Variants in THEM4 observed in about 807,000 individuals in gnomAD.
THEM4 encodes acyl-coenzyme A thioesterase THEM4.
THEM4 carries 22 observed loss-of-function variants against 25.0 expected under a neutral mutation model. The observed-to-expected ratio is 0.88, with a 90% confidence interval of 0.63 to 1.26. THEM4 has a LOEUF of 1.26. THEM4 is among the 50% of genes most tolerant of loss of function. THEM4 has a pLI of 0.00. For synonymous variants in THEM4, 113 were observed against 105.6 expected (o/e 1.07, Z -0.43); for missense variants, 286 against 300.3 (o/e 0.95, Z 0.35).
chr1:151,873,237 G>T lies in THEM4; in HGVS notation c.*1651C>A, dbSNP rs2171917. Among the ~76,000 whole-genome samples the T allele has an allele frequency of 0.89, 135,270 of 152,174 alleles. 60,301 individuals are homozygous for T. Among genetic ancestry groups the T allele is most frequent in the South Asian group, 0.92 (4,432 of 4,818 alleles). ...TGTAACACAGATTCCTTTGCTCACA[G>T]ATTTTCCTGCTGACCTTCTCCCCAC... On this transcript the variant is annotated 3_prime_UTR_variant, in exon 6 of 6. Transcript: ENST00000368814.
chr1:151,892,211 C>G (rs1654109752), intron 2 of THEM4, among the ~76,000 whole-genome samples: 1 of 151,984 alleles, frequency 6.6e-6, no homozygotes, highest in African/African-American at 2.4e-5. Flanking sequence ...AAGAAATGAG[C>G]AAAATGTAGG....
At chr1:151,908,561 G>A (rs929323362) in intron 1 of THEM4, among the ~76,000 whole-genome samples, 3 of 152,202 alleles carry the variant, frequency 2.0e-5, no homozygotes, top group African/African-American at 7.2e-5. Context: ...TGGCCGCTTG[G>A]TGGAGCTAAA....
intron 4 of THEM4, 49 bp from the exon 5 acceptor site, chr1:151,877,174 T>C (rs750229160): frequency 1.0e-5 from 16 of 1,553,296 alleles, no homozygotes; most frequent in South Asian, 3.7e-5. Flanking sequence ...ATCTGACTTA[T>C]ATAACATTAA....
At chr1:151,882,038 TTTC>T (rs923806116) in intron 4 of THEM4, among the ~76,000 whole-genome samples, 2 of 152,166 alleles carry the variant, frequency 1.3e-5, no homozygotes, top group African/African-American at 4.8e-5. Flanking sequence ...TAATTTTTTT[TTTC>T]TCTCTCTCTC....
intron 2 of THEM4, chr1:151,890,193 C>G (rs1160354016): frequency 2.2e-6 from 1 of 457,560 alleles, no homozygotes; most frequent in Non-Finnish European, 4.4e-6. Context: ...GCGTGAGCCA[C>G]AGCGCCCGGC....
chr1:151,893,755 G>T (rs959491036), intron 2 of THEM4, among the ~76,000 whole-genome samples: 1 of 152,034 alleles, frequency 6.6e-6, no homozygotes, highest in African/African-American at 2.4e-5. Flanking sequence ...GGCATAAGAA[G>T]AAAGAAAAAG....
intron 3 of THEM4, among the ~76,000 whole-genome samples, chr1:151,888,917 AC>A (rs1166781710): frequency 6.6e-6 from 1 of 152,052 alleles, no homozygotes; most frequent in Non-Finnish European, 1.5e-5. Context: ...GACCCATAAT[AC>A]TACCCACCTA....
chr1:151,885,016 GT>G (rs755566016), intron 4 of THEM4, among the ~76,000 whole-genome samples: 11 of 151,164 alleles, frequency 7.3e-5, no homozygotes, highest in South Asian at 4.2e-4. Flanking sequence ...GTTTTATTAG[GT>G]TCTGTGGCAA....
rs868247782 is a variant in THEM4 at position 151,871,340 on chromosome 1, A to G, written c.*3548T>C. Among the ~76,000 whole-genome samples, 1,179 of 151,698 alleles carry G rather than the reference A, an allele frequency of 7.8e-3. 22 individuals carry two copies. The highest frequency in any genetic ancestry group is 0.028 in the African/African-American group (1,138 of 41,326). On this transcript the variant is annotated 3_prime_UTR_variant, in exon 6 of 6. Transcript: ENST00000368814. ...ACCCTGTCTTGAAAAAAAAAAAAAA[A>G]AAAGAAAAAGAAAAAAGAAAGGAAA...
rs1337451706 is a variant in THEM4, at chr1:151,873,463, C to A, written c.*1425G>T. ...GTCTCTCATCCCACCTGATGAGAAA[C>A]ACCCACAGGTGTGGAGGGGCTGGCC... On this transcript the variant is annotated 3_prime_UTR_variant, in exon 6 of 6. Transcript: ENST00000368814. 6.6e-6 allele frequency: 1 copy of A among 152,162 alleles called. No homozygotes were observed. Among genetic ancestry groups the A allele is most frequent in the Non-Finnish European group, 1.5e-5 (1 of 68,024 alleles). The allele number at this position is 152,162 out of a possible 1,614,324, so 9.4% of individuals were successfully genotyped here. A position where few individuals can be genotyped will look rare whatever the true frequency, so the allele number is the denominator to read the frequency against.
chr1:151,877,090 CTATT>C lies in THEM4; in HGVS notation c.589_592del (p.Asn197AlafsTer34). On this transcript the variant is annotated frameshift_variant, in exon 5 of 6. Coordinates refer to ENST00000368814, the MANE Select transcript of THEM4 (RefSeq NM_053055.5). LOFTEE classifies it high-confidence loss of function. ...CCTTCCTTCAACTTTATCAAGTTGG[CTATT>C]TATCATAACAACAGAACAAAGAGGG... 1 of 1,613,376 alleles carries C rather than the reference CTATT, an allele frequency of 6.2e-7. No individual in the cohort carries two copies. The highest frequency in any genetic ancestry group is 8.5e-7 in the Non-Finnish European group (1 of 1,179,742).
Position 151,871,742 on chromosome 1 carries a change from A to G in THEM4, c.*3146T>C, listed in dbSNP as rs1417292135. On this transcript the variant is annotated 3_prime_UTR_variant, in exon 6 of 6. Transcript: ENST00000368814. ...ATACGAAGGGAGGCAGGCATACTTA[A>G]CATGAAGAAAACCTGGTCATTTGGC... 1.3e-5 allele frequency among the ~76,000 whole-genome samples: 2 copies of G among 151,564 alleles called. No homozygotes were observed.
intron 1 of THEM4, among the ~76,000 whole-genome samples, chr1:151,903,806 C>T (rs1308027991): frequency 6.6e-6 from 1 of 152,186 alleles, no homozygotes; most frequent in African/African-American, 2.4e-5. Flanking sequence ...TTTATGGATA[C>T]AGAGCTAATT....
chr1:151,880,031 A>G (rs1653776530), intron 4 of THEM4, among the ~76,000 whole-genome samples: 2 of 151,514 alleles, frequency 1.3e-5, no homozygotes, highest in African/African-American at 4.9e-5. Context: ...GCTGCAGTTC[A>G]GTGGCTATTC....
intron 2 of THEM4, chr1:151,890,309 A>G (rs1297792983): frequency 2.6e-6 from 1 of 390,408 alleles, no homozygotes; most frequent in Non-Finnish European, 5.3e-6. Flanking sequence ...TCACTTACAC[A>G]ATTGTGAGCA....
intron 1 of THEM4, among the ~76,000 whole-genome samples, chr1:151,908,323 T>G (rs188217534): frequency 1.6e-4 from 24 of 152,350 alleles, no homozygotes; most frequent in Non-Finnish European, 3.2e-4. Flanking sequence ...CAAACTTCGC[T>G]GCAGGCCTCC....
intron 1 of THEM4, among the ~76,000 whole-genome samples, chr1:151,908,280 T>G (rs1247655074): frequency 1.3e-5 from 2 of 152,236 alleles, no homozygotes; most frequent in African/African-American, 2.4e-5. Context: ...AGCCAATCTG[T>G]GTGTTTTGCA....
At chr1:151,881,278 T>C (rs10788814) in intron 4 of THEM4, among the ~76,000 whole-genome samples, 139,275 of 152,282 alleles carry the variant, frequency 0.91, 63,697 homozygotes, top group East Asian at 0.95. Flanking sequence ...AGCGATCTTC[T>C]TGCATCAACC....
rs1270643742 is a variant in THEM4, at chr1:151,895,167, G to T, written c.127C>A (p.Leu43Ile). 1 of 1,612,080 alleles carries T rather than the reference G, an allele frequency of 6.2e-7. No homozygotes were observed. Among genetic ancestry groups the T allele is most frequent in the Non-Finnish European group, 8.5e-7 (1 of 1,179,582 alleles). Residue 43 changes from leucine to isoleucine, a missense_variant, in exon 2 of 6, where the codon CTT becomes ATT. Coordinates refer to ENST00000368814, the MANE Select transcript of THEM4 (RefSeq NM_053055.5). ...GGGTTGGGGACAGAACAGTCCTTAA[G>T]AATGACTTCCTCAGAAGAAAATGAC... ...LRSFSSEEVI[L>I]KDCSVPNPSW...
Sources: allele counts gnomAD v4.1 joint callset (sites outside exome capture counted in the v4.1 genomes callset), GRCh38; gene constraint gnomAD v4.1.1; transcripts MANE v1.5; gene names NCBI Gene and HGNC (gene_info 2026-07-23, HGNC 2026-07-21).